The following ATXN2 variants were observed in gnomAD, a reference collection of about 807,000 sequenced individuals.
ATXN2 encodes ataxin 2.
Under a neutral mutation model 138.6 loss-of-function variants are expected in ATXN2, and 37 were observed. The observed-to-expected ratio is 0.27, with a 90% confidence interval of 0.21 to 0.35. The LOEUF is 0.35. Ranked by LOEUF, ATXN2 falls within the 10% of genes least tolerant of loss-of-function variation. The pLI, the probability that ATXN2 is intolerant of heterozygous loss-of-function variation, is 1.00. For missense variants in ATXN2, 1,216 were observed against 1,480.3 expected (o/e 0.82, Z 2.93); for synonymous variants, 549 against 543.7 (o/e 1.01, Z -0.13).
chr12:111,456,364 C>T (rs890421788), intron 22 of ATXN2, 108 bp from the exon 23 acceptor site: 17 of 1,148,398 alleles, frequency 1.5e-5, no homozygotes, highest in African/African-American at 6.1e-5. Context: ...ATGAGGGTCA[C>T]TGGAAAGTAC....
chr12:111,582,614 T>C (rs1011177119), intron 1 of ATXN2, among the ~76,000 whole-genome samples: 1 of 152,174 alleles, frequency 6.6e-6, no homozygotes, highest in Non-Finnish European at 1.5e-5. Flanking sequence ...TCTCAAAAAA[T>C]AAATACATAA....
At chr12:111,454,796 G>A in intron 23 of ATXN2, 1 of 482,656 alleles carries the variant, frequency 2.1e-6, no homozygotes, top group African/African-American at 1.9e-5. Context: ...AAAACAGAGT[G>A]AGGTTTTAGG....
intron 5 of ATXN2, among the ~76,000 whole-genome samples, chr12:111,543,425 T>C (rs905373536): frequency 6.6e-6 from 1 of 152,186 alleles, no homozygotes; most frequent in African/African-American, 2.4e-5. Flanking sequence ...TACTAAAATC[T>C]ACACAATTCT....
chr12:111,591,169 G>T (rs534051843), intron 1 of ATXN2, among the ~76,000 whole-genome samples: 2 of 151,996 alleles, frequency 1.3e-5, no homozygotes, highest in Non-Finnish European at 2.9e-5. Context: ...GATTACAGGC[G>T]TGAGCCACCG....
At chr12:111,562,165 G>A (rs1360180405) in intron 1 of ATXN2, among the ~76,000 whole-genome samples, 1 of 151,722 alleles carries the variant, frequency 6.6e-6, no homozygotes, top group Non-Finnish European at 1.5e-5. Context: ...CAGGTACAAT[G>A]GCTCATGCCT....
chr12:111,527,663 G>T (rs1292122992), intron 5 of ATXN2, among the ~76,000 whole-genome samples: 1 of 152,206 alleles, frequency 6.6e-6, no homozygotes, highest in Non-Finnish European at 1.5e-5. Flanking sequence ...CCAAGAGTGT[G>T]CTGAGGGAGT....
chr12:111,546,556 C>A (rs564252757), intron 5 of ATXN2, among the ~76,000 whole-genome samples: 1 of 151,238 alleles, frequency 6.6e-6, no homozygotes, highest in East Asian at 1.9e-4. Flanking sequence ...GTATGAGGAA[C>A]AATGGAATAA....
chr12:111,491,519 G>A (rs1878030232), intron 14 of ATXN2, among the ~76,000 whole-genome samples: 2 of 152,144 alleles, frequency 1.3e-5, no homozygotes, highest in Non-Finnish European at 2.9e-5. Context: ...AGAGGGAAGA[G>A]TAGGGAGGAC....
At chr12:111,524,558 G>C (rs1377381536) in intron 6 of ATXN2, among the ~76,000 whole-genome samples, 1 of 152,196 alleles carries the variant, frequency 6.6e-6, no homozygotes, top group African/African-American at 2.4e-5. Flanking sequence ...AGCCTCCCAA[G>C]TAGCTGGGAC....
chr12:111,528,604 C>G (rs1256197356), intron 5 of ATXN2, among the ~76,000 whole-genome samples: 1 of 152,154 alleles, frequency 6.6e-6, no homozygotes, highest in Admixed American at 6.5e-5. Flanking sequence ...GGTTATGTAG[C>G]AGTCTGTCGC....
chr12:111,481,824 T>C (rs992158691), intron 18 of ATXN2, among the ~76,000 whole-genome samples: 1 of 151,802 alleles, frequency 6.6e-6, no homozygotes, highest in African/African-American at 2.4e-5. Context: ...ACCATGCCAG[T>C]GTAATTTTTG....
rs544843392 is a variant in ATXN2 at position 111,598,692 on chromosome 12, C to G, written c.251+92G>C. 2 of 898,998 alleles carry G rather than the reference C, an allele frequency of 2.2e-6. No individual in the cohort carries two copies. Among genetic ancestry groups the G allele is most frequent in the South Asian group, 1.1e-4 (2 of 18,782 alleles). The allele number at this position is 898,998 out of a possible 1,614,324, so 55.7% of individuals were successfully genotyped here. On this transcript the variant is annotated intron_variant, in intron 1 of 24. Coordinates refer to ENST00000673436, the MANE Select transcript of ATXN2 (RefSeq NM_001372574.1). This position sits in a 1 kb window ranked among gnomAD's most constrained non-coding sequence, Gnocchi z 4.5. ...CCGGCCCCCAGCCCACCCCGGGTAG[C>G]CCGGCGGGTCACGGGGCGGGGACGG...
intron 6 of ATXN2, among the ~76,000 whole-genome samples, chr12:111,523,722 T>G (rs1880320635): frequency 6.7e-6 from 1 of 149,952 alleles, no homozygotes; most frequent in Admixed American, 6.7e-5. Context: ...TGAGACTCCA[T>G]CTCTCAAAAC....
chr12:111,458,895 G>T (rs1269906473), intron 21 of ATXN2, among the ~76,000 whole-genome samples: 1 of 152,128 alleles, frequency 6.6e-6, no homozygotes, highest in Non-Finnish European at 1.5e-5. Context: ...GGTGTTGTAG[G>T]GCTAAGGGCC....
At chr12:111,524,766 T>G (rs904893510) in intron 6 of ATXN2, among the ~76,000 whole-genome samples, 1 of 152,206 alleles carries the variant, frequency 6.6e-6, no homozygotes, top group African/African-American at 2.4e-5. Context: ...AATGACAACC[T>G]TTTCTTCAGA....
chr12:111,521,900 T>C (rs1012533174), intron 6 of ATXN2, among the ~76,000 whole-genome samples: 1 of 152,176 alleles, frequency 6.6e-6, no homozygotes, highest in African/African-American at 2.4e-5. Context: ...TGGAAGACTA[T>C]TTACCAGTGA....
intron 1 of ATXN2, among the ~76,000 whole-genome samples, chr12:111,570,421 T>C (rs1883253544): frequency 6.6e-6 from 1 of 152,216 alleles, no homozygotes; most frequent in Non-Finnish European, 1.5e-5. Flanking sequence ...AATTTTACAT[T>C]TTAAAAACCT....
chr12:111,467,929 C>T (rs758696583), intron 20 of ATXN2, among the ~76,000 whole-genome samples: 10 of 152,204 alleles, frequency 6.6e-5, no homozygotes, highest in Admixed American at 6.5e-5. Context: ...CTCAACATTA[C>T]AGTATTATTG....
intron 21 of ATXN2, among the ~76,000 whole-genome samples, chr12:111,464,282 G>GTGTGTGTATA (rs1461443530): frequency 6.8e-6 from 1 of 146,712 alleles, no homozygotes; most frequent in African/African-American, 2.5e-5. Context: ...GTGTGTGTGT[G>GTGTGTGTATA]TATAAATAAA....
Sources: gnomAD v4.1 joint callset for allele counts (sites outside exome capture counted in the v4.1 genomes callset) on GRCh38, gnomAD v4.1.1 for gene constraint, Gnocchi (gnomAD v3.1) non-coding constraint, MANE v1.5 for transcripts, NCBI Gene and HGNC (gene_info 2026-07-23, HGNC 2026-07-21) for gene names.